Variants in PTDSS1 observed in about 807,000 individuals in gnomAD.
PTDSS1 encodes PSS-1.
Under a neutral mutation model 70.5 loss-of-function variants are expected in PTDSS1, and 45 were observed. That is an observed-to-expected ratio of 0.64 (90% CI 0.50 to 0.82). The LOEUF (loss-of-function observed/expected upper bound fraction) is 0.82, where lower values mean the gene tolerates loss of function less well. Among genes scored for constraint, PTDSS1 ranks in the 40% least tolerant of loss-of-function variants. The pLI is 0.00. For synonymous variants in PTDSS1, 188 were observed against 203.8 expected (o/e 0.92, Z 0.66); for missense variants, 417 against 586.1 (o/e 0.71, Z 2.98).
chr8:96,286,897 G>T, intron 3 of PTDSS1, 125 bp from the exon 4 acceptor site: 1 of 1,222,428 alleles, frequency 8.2e-7, no homozygotes, highest in Non-Finnish European at 1.2e-6. Flanking sequence ...TATAAGAGGA[G>T]TCTTGACAGG....
chr8:96,311,283 A>G (rs1563578489), intron 9 of PTDSS1, among the ~76,000 whole-genome samples: 1 of 152,248 alleles, frequency 6.6e-6, no homozygotes, highest in Admixed American at 6.5e-5. Flanking sequence ...AAGGTGGCTT[A>G]GCTTCAAGAC....
intron 10 of PTDSS1, among the ~76,000 whole-genome samples, chr8:96,329,752 G>A (rs564158344): frequency 2.6e-5 from 4 of 152,306 alleles, no homozygotes; most frequent in African/African-American, 9.6e-5. Context: ...TCTACCCTGG[G>A]AGTGTTTGTC....
At chr8:96,296,921 T>C (rs766193642) in intron 5 of PTDSS1, among the ~76,000 whole-genome samples, 1 of 152,240 alleles carries the variant, frequency 6.6e-6, no homozygotes, top group Non-Finnish European at 1.5e-5. Context: ...CCCCTTGCAC[T>C]GCAGACTGGG....
chr8:96,297,187 G>GT (rs564260062), intron 5 of PTDSS1, among the ~76,000 whole-genome samples: 44 of 151,052 alleles, frequency 2.9e-4, no homozygotes, highest in Admixed American at 4.0e-4. Context: ...CCATTACTCT[G>GT]TTTTTTTTTG....
chr8:96,310,169 CTT>C (rs113232621), intron 9 of PTDSS1, among the ~76,000 whole-genome samples: 15 of 139,648 alleles, frequency 1.1e-4, no homozygotes, highest in Non-Finnish European at 1.1e-4. Flanking sequence ...GGATCTCTCT[CTT>C]TTTTTTTTTT....
intron 9 of PTDSS1, among the ~76,000 whole-genome samples, chr8:96,312,276 C>A (rs549778604): frequency 6.6e-6 from 1 of 152,116 alleles, no homozygotes; most frequent in Admixed American, 6.5e-5. Flanking sequence ...CATAGCGAGA[C>A]GTTGTCTCCA....
intron 5 of PTDSS1, among the ~76,000 whole-genome samples, chr8:96,295,846 G>A (rs759910641): frequency 2.6e-5 from 4 of 152,106 alleles, no homozygotes; most frequent in South Asian, 4.1e-4. Context: ...GTCCACATGC[G>A]CAGTATACTT....
intron 12 of PTDSS1, among the ~76,000 whole-genome samples, chr8:96,333,106 G>A (rs965540700): frequency 3.3e-5 from 5 of 152,222 alleles, no homozygotes; most frequent in African/African-American, 1.2e-4. Context: ...TGGGCACCGC[G>A]TGGTGTGTGT....
At position 96,330,262 on chromosome 8, in the gene PTDSS1, A is replaced by G. The variant is rs1044410031; in HGVS notation, c.1223A>G (p.His408Arg). 1 of 1,612,176 alleles carries G rather than the reference A, an allele frequency of 6.2e-7. No homozygotes were observed. The highest frequency in any genetic ancestry group is 8.5e-7 in the Non-Finnish European group (1 of 1,178,738). Residue 408 changes from histidine (H) to arginine (R), a missense_variant, in exon 11 of 13, where the codon CAC (histidine) becomes CGC (arginine). This residue lies in a region of PTDSS1 where 107 missense variants were observed against 122.3 expected (regional missense o/e 0.88). Transcript: ENST00000517309. ...CLYGMIWYAE[H>R]YGHREKTYSE... ...TACGGCATGATTTGGTATGCAGAAC[A>G]CTATGGTCACCGAGAAAAGGTATGG...
intron 10 of PTDSS1, among the ~76,000 whole-genome samples, chr8:96,328,600 C>T (rs895819241): frequency 6.6e-6 from 1 of 152,186 alleles, no homozygotes; most frequent in Admixed American, 6.5e-5. Flanking sequence ...GCTTCTCACT[C>T]TCTCTCCACG....
At chr8:96,302,590 T>TC (rs1375748859) in intron 6 of PTDSS1, among the ~76,000 whole-genome samples, 1 of 151,784 alleles carries the variant, frequency 6.6e-6, no homozygotes, top group Admixed American at 6.6e-5. Context: ...TTGTTGTTGT[T>TC]GTTGTTTTTG....
chr8:96,316,629 T>C (rs1811292688), intron 9 of PTDSS1, among the ~76,000 whole-genome samples: 1 of 152,082 alleles, frequency 6.6e-6, no homozygotes, highest in African/African-American at 2.4e-5. Flanking sequence ...GGGTCCAATA[T>C]ACCCATGTAG....
At chr8:96,297,455 G>A (rs1208658791) in intron 5 of PTDSS1, among the ~76,000 whole-genome samples, 2 of 152,118 alleles carry the variant, frequency 1.3e-5, no homozygotes, top group Non-Finnish European at 2.9e-5. Context: ...TGATATTACA[G>A]GTGTGAACCA....
intron 6 of PTDSS1, among the ~76,000 whole-genome samples, chr8:96,300,156 T>C (rs1263667373): frequency 6.6e-6 from 1 of 152,128 alleles, no homozygotes; most frequent in Non-Finnish European, 1.5e-5. Flanking sequence ...CAGACTCCCA[T>C]CCCTGGATCA....
rs1811585777 is a variant in PTDSS1 at position 96,335,724 on chromosome 8, C to T, written c.*2158C>T. 1 of 152,204 alleles carries T rather than the reference C, an allele frequency of 6.6e-6. No individual in the cohort carries two copies. Among genetic ancestry groups the T allele is most frequent in the African/African-American group, 2.4e-5 (1 of 41,436 alleles). 9.4% of individuals were successfully genotyped at this position (152,204 alleles called of 1,614,324 possible). A position where few individuals can be genotyped will look rare whatever the true frequency, so the allele number is the denominator to read the frequency against. Reference sequence around the variant, plus strand: ...GCTCTTTACTATAGTAGTTACAAAACCAGTGCTTTCCATGGCTGGCCAGAA... The same window carrying T: ...GCTCTTTACTATAGTAGTTACAAAATCAGTGCTTTCCATGGCTGGCCAGAA... On this transcript the variant is annotated 3_prime_UTR_variant, in exon 13 of 13. Transcript: ENST00000517309.
At chr8:96,300,212 A>G (rs1384032331) in intron 6 of PTDSS1, among the ~76,000 whole-genome samples, 1 of 151,894 alleles carries the variant, frequency 6.6e-6, no homozygotes, top group Non-Finnish European at 1.5e-5. Flanking sequence ...TTCCCACACC[A>G]TTGCTTGAGT....
chr8:96,288,564 G>T (rs565328911), intron 4 of PTDSS1, among the ~76,000 whole-genome samples: 1 of 149,448 alleles, frequency 6.7e-6, no homozygotes, highest in South Asian at 2.2e-4. Flanking sequence ...GATCTCAAAT[G>T]ATCTGCCTGC....
In PTDSS1 at chr8:96,273,288, T is replaced by C. The variant is rs746585037; in HGVS notation, c.180-11T>C. On this transcript the variant is annotated splice_polypyrimidine_tract_variant and intron_variant, in intron 1 of 12. Coordinates refer to ENST00000517309, the MANE Select transcript of PTDSS1 (RefSeq NM_014754.3). ...GAAAGTAAATGCTCAATGTTGTTTTTCTATTTTCAGGGATGACTCTGTTCC... is the reference window on the plus strand; with the variant it reads ...GAAAGTAAATGCTCAATGTTGTTTTCCTATTTTCAGGGATGACTCTGTTCC... The C allele has an allele frequency of 7.0e-6, 11 of 1,576,972 alleles. No individual in the cohort carries two copies. Among genetic ancestry groups the C allele is most frequent in the Non-Finnish European group, 7.7e-6 (9 of 1,162,732 alleles).
chr8:96,278,205 A>G (rs542972834), intron 2 of PTDSS1, among the ~76,000 whole-genome samples: 13 of 152,320 alleles, frequency 8.5e-5, no homozygotes, highest in Non-Finnish European at 1.5e-4. Flanking sequence ...CATGTCTTTG[A>G]CTAGGATTGG....
Sources: allele counts gnomAD v4.1 joint callset (sites outside exome capture counted in the v4.1 genomes callset), GRCh38; gene constraint gnomAD v4.1.1; regional missense constraint gnomAD v4.1.1; transcripts MANE v1.5; gene names NCBI Gene and HGNC (gene_info 2026-07-23, HGNC 2026-07-21).